Variants in PARN observed in about 807,000 individuals in gnomAD.
The protein encoded by PARN is poly(A)-specific ribonuclease PARN.
PARN carries 71 observed loss-of-function variants against 102.8 expected under a neutral mutation model. That is an observed-to-expected ratio of 0.69 (90% CI 0.57 to 0.84). PARN has a LOEUF of 0.84. PARN is among the 40% of genes least tolerant of loss of function. The probability of loss-of-function intolerance (pLI) is 0.00; values close to 1 mark genes in which losing one functional copy is unlikely to be tolerated. For missense variants in PARN, 782 were observed against 760.9 expected, an observed-to-expected ratio of 1.03 and a Z score of -0.33; for synonymous variants, 261 against 252.9, an observed-to-expected ratio of 1.03 and a Z score of -0.30.
chr16:14,595,219 T>C lies in PARN; in HGVS notation c.841-1841A>G, dbSNP rs372378094. Among the ~76,000 whole-genome samples the C allele has an allele frequency of 1.9e-4, 29 of 152,264 alleles. 1 individual carries two copies. In the East Asian group the frequency reaches 2.1e-3, roughly 11 times the overall value. ...AAACAAATAAACATAATGGAAGTAA[T>C]AGAAACTGGATTTCTCACTGTTGAG... On this transcript the variant is annotated intron_variant, in intron 12 of 23. Transcript: ENST00000437198.
chr16:14,447,530 A>G (rs920184126), intron 22 of PARN, among the ~76,000 whole-genome samples: 1 of 152,270 alleles, frequency 6.6e-6, no homozygotes, highest in African/African-American at 2.4e-5. Flanking sequence ...TCAGTCTGCT[A>G]TCCCACTGCT....
In PARN at chr16:14,604,135, AG is replaced by A; in HGVS notation, c.783+10del. ...TTTCTCACCCCCCAAGAATTAACAT[AG>A]CCCAATTACCTGTTCTTTGGCATGT... On this transcript the variant is annotated intron_variant, in intron 11 of 23. Coordinates refer to ENST00000437198, the MANE Select transcript of PARN (RefSeq NM_002582.4). The A allele has an allele frequency of 6.5e-7, 1 of 1,544,968 alleles. No homozygotes were observed. The highest frequency in any genetic ancestry group is 8.9e-7 in the Non-Finnish European group (1 of 1,123,898).
intron 5 of PARN, among the ~76,000 whole-genome samples, chr16:14,619,842 C>A (rs1233044462): frequency 6.6e-6 from 1 of 151,800 alleles, no homozygotes; most frequent in Non-Finnish European, 1.5e-5. Context: ...GAGGCTGAGG[C>A]AGGCGGATCA....
intron 11 of PARN, among the ~76,000 whole-genome samples, chr16:14,602,504 G>T (rs1251663571): frequency 6.6e-6 from 1 of 152,106 alleles, no homozygotes; most frequent in Non-Finnish European, 1.5e-5. Flanking sequence ...ACCTCATCAG[G>T]TCAAAACCAG....
chr16:14,476,260 T>C (rs1963045409), intron 22 of PARN, among the ~76,000 whole-genome samples: 1 of 152,220 alleles, frequency 6.6e-6, no homozygotes. Flanking sequence ...CAACATATAA[T>C]CTGCAGGTAA....
chr16:14,604,035 A>C (rs1345909334), intron 11 of PARN, 111 bp downstream of exon 11: 1 of 767,182 alleles, frequency 1.3e-6, no homozygotes, highest in East Asian at 2.7e-5. Flanking sequence ...TGTTCTATGA[A>C]AGAAAACTAT....
At chr16:14,523,224 T>TACACAC (rs35250440) in intron 21 of PARN, among the ~76,000 whole-genome samples, 3,900 of 144,180 alleles carry the variant, frequency 0.027, 179 homozygotes, top group African/African-American at 0.092. Flanking sequence ...AACTAACAAG[T>TACACAC]ACACACACAC....
chr16:14,521,059 T>C (rs1596563518), intron 21 of PARN, among the ~76,000 whole-genome samples: 1 of 152,244 alleles, frequency 6.6e-6, no homozygotes, highest in East Asian at 1.9e-4. Flanking sequence ...CTAGTCTAGT[T>C]TCTCCAAATA....
At chr16:14,538,464 G>T (rs181384139) in intron 21 of PARN, among the ~76,000 whole-genome samples, 2 of 151,818 alleles carry the variant, frequency 1.3e-5, no homozygotes, top group African/African-American at 4.8e-5. Context: ...AAGTGATAAC[G>T]CCTGCCTCAG....
chr16:14,511,435 T>C (rs1217055183), intron 21 of PARN, among the ~76,000 whole-genome samples: 2 of 151,718 alleles, frequency 1.3e-5, no homozygotes, highest in African/African-American at 4.9e-5. Context: ...CACATCCTAT[T>C]TGATGGCTCA....
chr16:14,555,064 C>T (rs1403567277), intron 19 of PARN, among the ~76,000 whole-genome samples: 1 of 152,158 alleles, frequency 6.6e-6, no homozygotes, highest in Non-Finnish European at 1.5e-5. Flanking sequence ...TGGAGGGCAA[C>T]ACAACAGTAT....
At chr16:14,519,434 C>T (rs1344908371) in intron 21 of PARN, among the ~76,000 whole-genome samples, 1 of 152,000 alleles carries the variant, frequency 6.6e-6, no homozygotes, top group Non-Finnish European at 1.5e-5. Flanking sequence ...ACAATGAGCA[C>T]TCTAGCACCC....
rs570189371 is a variant in PARN, at chr16:14,611,731, G to A, written c.389-922C>T. Among the ~76,000 whole-genome samples the A allele has an allele frequency of 2.6e-5, 4 of 152,312 alleles. No individual in the cohort carries two copies. The East Asian group carries it at 7.7e-4, about 29-fold the overall frequency. On this transcript the variant is annotated intron_variant, in intron 6 of 23. Coordinates refer to ENST00000437198, the MANE Select transcript of PARN (RefSeq NM_002582.4). The stretch of plus-strand genomic sequence containing the variant: ...AATTTTTGTATTTTCGGTAGAGACA[G>A]GGTTTCGCTATGTTGGCCAGGCTGG...
intron 8 of PARN, 44 bp downstream of exon 8, chr16:14,609,014 C>T (rs1971359485): frequency 8.9e-7 from 1 of 1,122,812 alleles, no homozygotes; most frequent in African/African-American, 1.5e-5. Flanking sequence ...AAACCATCTA[C>T]CTTTCCAAAA....
chr16:14,605,892 A>G (rs1302111888), intron 10 of PARN, among the ~76,000 whole-genome samples: 1 of 152,238 alleles, frequency 6.6e-6, no homozygotes, highest in African/African-American at 2.4e-5. Context: ...TGCCATAGTA[A>G]GAATACAAAC....
intron 13 of PARN, among the ~76,000 whole-genome samples, chr16:14,590,260 T>G (rs892700169): frequency 0.014 from 928 of 67,078 alleles, no homozygotes; most frequent in Middle Eastern, 0.056. Flanking sequence ...AAAAAAAAGG[T>G]AGGAAAGAGA....
At chr16:14,590,116 T>A (rs1485620415) in intron 13 of PARN, among the ~76,000 whole-genome samples, 2 of 148,808 alleles carry the variant, frequency 1.3e-5, no homozygotes, top group East Asian at 4.0e-4. Flanking sequence ...CTGGGCATGG[T>A]GGCGGGCGCC....
At chr16:14,511,786 G>C (rs1447185345) in intron 21 of PARN, among the ~76,000 whole-genome samples, 1 of 152,062 alleles carries the variant, frequency 6.6e-6, no homozygotes, top group Non-Finnish European at 1.5e-5. Flanking sequence ...CTGCAGCCTC[G>C]AACTCCTGGC....
chr16:14,472,824 C>T (rs1306501983), intron 22 of PARN, among the ~76,000 whole-genome samples: 2 of 152,182 alleles, frequency 1.3e-5, no homozygotes, highest in African/African-American at 2.4e-5. Context: ...TTCTTCTGGG[C>T]AGCAAAGTTT....
Sources: allele counts gnomAD v4.1 joint callset (sites outside exome capture counted in the v4.1 genomes callset), GRCh38; gene constraint gnomAD v4.1.1; transcripts MANE v1.5; gene names NCBI Gene and HGNC (gene_info 2026-07-23, HGNC 2026-07-21).